TAF2: variants seen among roughly 807,000 people sequenced by gnomAD.
TAF2 encodes TATA-box binding protein associated factor 2, also known as transcription initiation factor TFIID subunit 2.
Under a neutral mutation model 138.5 loss-of-function variants are expected in TAF2, and 61 were observed. That is an observed-to-expected ratio of 0.44 (90% CI 0.36 to 0.54). The LOEUF (loss-of-function observed/expected upper bound fraction) is 0.54, where lower values mean the gene tolerates loss of function less well. Ranked by LOEUF, TAF2 falls within the 20% of genes least tolerant of loss-of-function variation. TAF2 has a pLI of 0.00. For synonymous variants in TAF2, 475 were observed against 469.9 expected (o/e 1.01, Z -0.14); for missense variants, 1,090 against 1,427.9 (o/e 0.76, Z 3.81).
chr8:119,776,564 C>CT (rs1404011956), intron 18 of TAF2, among the ~76,000 whole-genome samples: 8 of 151,208 alleles, frequency 5.3e-5, no homozygotes, highest in African/African-American at 1.9e-4. Context: ...TGGCGGGTAC[C>CT]TGTAGTCCCA....
chr8:119,781,292 G>A, intron 16 of TAF2, 99 bp from the exon 17 acceptor site: 1 of 1,361,476 alleles, frequency 7.3e-7, no homozygotes, highest in Non-Finnish European at 1.0e-6. Context: ...CAACTGGATT[G>A]GGTTTTCAAC....
rs1313973194 is a variant in TAF2 at position 119,756,101 on chromosome 8, T to C, written c.2783A>G (p.Asn928Ser). The C allele has an allele frequency of 3.7e-6, 6 of 1,613,440 alleles. No homozygotes were observed. The highest frequency in any genetic ancestry group is 5.1e-6 in the Non-Finnish European group (6 of 1,179,670). The stretch of plus-strand genomic sequence containing the variant: ...AAATGGTGGGTTCTTAGTCAACATG[T>C]TGAGAATCTTATGCCTGAAAGATTA... ...PVPYVRHKIL[N>S]MLTKNPPFTK... The change falls in exon 22 of 26, where the codon AAC (asparagine) becomes AGC (serine). Residue 928 changes from asparagine (N) to serine (S), a missense_variant. Physicochemically the swap from Asn to Ser is conservative, Grantham distance 46. Transcript: ENST00000378164.
chr8:119,777,952 G>A (rs1586404009), intron 18 of TAF2, 67 bp downstream of exon 18: 1 of 838,884 alleles, frequency 1.2e-6, no homozygotes, highest in Non-Finnish European at 1.9e-6. Context: ...GGGTAGTTCT[G>A]TAATATTCAT....
intron 6 of TAF2, among the ~76,000 whole-genome samples, chr8:119,799,486 A>C (rs1176645112): frequency 1.3e-5 from 2 of 152,164 alleles, no homozygotes; most frequent in African/African-American, 2.4e-5. Context: ...ACATGAACTC[A>C]TCCTTTTTTA....
intron 22 of TAF2, among the ~76,000 whole-genome samples, chr8:119,749,343 T>C (rs1005152151): frequency 5.9e-5 from 9 of 152,200 alleles, no homozygotes; most frequent in African/African-American, 1.4e-4. Context: ...AGGGAGGTTC[T>C]TGATAGTGTT....
chr8:119,768,786 A>G (rs1821621626), intron 18 of TAF2, among the ~76,000 whole-genome samples: 1 of 152,212 alleles, frequency 6.6e-6, no homozygotes. Context: ...CAGCAGCATT[A>G]CCACATTGGA....
At chr8:119,815,738 A>G (rs1170321622) in intron 3 of TAF2, among the ~76,000 whole-genome samples, 1 of 152,206 alleles carries the variant, frequency 6.6e-6, no homozygotes, top group East Asian at 1.9e-4. Flanking sequence ...AAAAACAAAA[A>G]CACCAAAGTG....
At chr8:119,763,858 T>C (rs978200225) in intron 18 of TAF2, among the ~76,000 whole-genome samples, 2 of 141,786 alleles carry the variant, frequency 1.4e-5, no homozygotes, top group South Asian at 2.2e-4. Flanking sequence ...TTTCAAAAAA[T>C]AATAATAATA....
At chr8:119,824,642 A>T (rs1586549333) in intron 2 of TAF2, among the ~76,000 whole-genome samples, 1 of 152,162 alleles carries the variant, frequency 6.6e-6, no homozygotes. Context: ...GGCCAGGCCC[A>T]GGGTCCCTAC....
At chr8:119,781,615 G>A (rs188126968) in intron 16 of TAF2, among the ~76,000 whole-genome samples, 1 of 152,244 alleles carries the variant, frequency 6.6e-6, no homozygotes, top group East Asian at 1.9e-4. Flanking sequence ...GGACGGGGAG[G>A]GGGAGGTTGC....
intron 2 of TAF2, among the ~76,000 whole-genome samples, chr8:119,822,053 AAC>A (rs898188143): frequency 2.0e-5 from 3 of 152,002 alleles, no homozygotes; most frequent in Admixed American, 2.0e-4. Context: ...TTACATGGAA[AAC>A]ACTTAAAATT....
At chr8:119,732,332 A>C in intron 25 of TAF2, 146 bp from the exon 26 acceptor site, 1 of 737,500 alleles carries the variant, frequency 1.4e-6, no homozygotes. Flanking sequence ...TCTAAATAAG[A>C]CATGTAATTA....
intron 2 of TAF2, 93 bp downstream of exon 2, chr8:119,831,584 G>A: frequency 1.1e-6 from 1 of 890,596 alleles, no homozygotes. Context: ...CAATTATCTG[G>A]AAGACTACAA....
chr8:119,746,985 A>AT lies in TAF2; in HGVS notation c.2879-52dup. ...AGTCAATATGCACATTGATTCATAC[A>AT]TTTTAACTGTCCCAGAACCTGAACA... is the stretch of plus-strand genomic sequence containing the variant. On this transcript the variant is annotated intron_variant, in intron 22 of 25. Transcript: ENST00000378164. The AT allele has an allele frequency of 1.9e-6, 3 of 1,559,532 alleles. No homozygotes were observed. In the East Asian group the frequency reaches 6.7e-5, roughly 35 times the overall value.
In TAF2 at chr8:119,832,568, G is replaced by T; in HGVS notation, c.-4C>A. ...GCTCTACACCAGTCAGCGGCATGAA[G>T]CGGTCCCGCGGAGCTTGGCTTCCCG... On this transcript the variant is annotated 5_prime_UTR_variant, in exon 1 of 26. Transcript: ENST00000378164. 6.2e-7 allele frequency: 1 copy of T among 1,612,472 alleles called. No individual in the cohort carries two copies. The highest frequency in any genetic ancestry group is 8.5e-7 in the Non-Finnish European group (1 of 1,179,908).
chr8:119,799,923 T>C (rs1824128165), intron 6 of TAF2, among the ~76,000 whole-genome samples: 1 of 152,258 alleles, frequency 6.6e-6, no homozygotes, highest in African/African-American at 2.4e-5. Context: ...CATTTTTTCA[T>C]GTGTCTGTTG....
At chr8:119,799,436 A>G (rs1366876517) in intron 6 of TAF2, among the ~76,000 whole-genome samples, 2 of 151,828 alleles carry the variant, frequency 1.3e-5, no homozygotes, top group Admixed American at 1.3e-4. Flanking sequence ...GAGTTTGCTG[A>G]GAATAATGGT....
chr8:119,824,560 G>C (rs999338975), intron 2 of TAF2, among the ~76,000 whole-genome samples: 1 of 152,226 alleles, frequency 6.6e-6, no homozygotes, highest in Non-Finnish European at 1.5e-5. Context: ...TGTCTCCAGG[G>C]CATGTCAGAG....
intron 18 of TAF2, among the ~76,000 whole-genome samples, chr8:119,770,971 T>C (rs1297191459): frequency 1.3e-5 from 2 of 152,010 alleles, no homozygotes; most frequent in Non-Finnish European, 2.9e-5. Flanking sequence ...CACAGGAGGC[T>C]GAGGCAGAAG....
Sources: gnomAD v4.1 joint callset for allele counts (sites outside exome capture counted in the v4.1 genomes callset) on GRCh38, gnomAD v4.1.1 for gene constraint, MANE v1.5 for transcripts, NCBI Gene and HGNC (gene_info 2026-07-23, HGNC 2026-07-21) for gene names.